Variants in MCC observed in about 807,000 individuals in gnomAD.
MCC encodes MCC regulator of Wnt signaling pathway.
MCC carries 90 observed loss-of-function variants against 116.2 expected under a neutral mutation model. The ratio of observed to expected loss-of-function variants is 0.77; its 90% confidence interval spans 0.65 to 0.92. The LOEUF (loss-of-function observed/expected upper bound fraction) is 0.92. Ranked by LOEUF, MCC falls within the 40% of genes least tolerant of loss-of-function variation. MCC has a pLI of 0.00. For synonymous variants in MCC, 578 were observed against 510.5 expected (o/e 1.13, Z -1.78); for missense variants, 1,516 against 1,312.2 (o/e 1.16, Z -2.40).
At chr5:113,322,112 A>T (rs1223114475) in intron 3 of MCC, among the ~76,000 whole-genome samples, 8 of 152,176 alleles carry the variant, frequency 5.3e-5, no homozygotes, top group Admixed American at 5.2e-4. Context: ...GATTACAGGC[A>T]TGAGCCACCG....
intron 3 of MCC, among the ~76,000 whole-genome samples, chr5:113,222,013 T>G (rs1205248807): frequency 6.6e-6 from 1 of 152,202 alleles, no homozygotes; most frequent in African/African-American, 2.4e-5. Flanking sequence ...CTTTTGGTCT[T>G]TGTTATGTAT....
At chr5:113,413,065 G>A (rs1168217344) in intron 1 of MCC, among the ~76,000 whole-genome samples, 1 of 152,176 alleles carries the variant, frequency 6.6e-6, no homozygotes, top group East Asian at 1.9e-4. Context: ...TCATGTGATG[G>A]ATTACGTTGA....
intron 3 of MCC, among the ~76,000 whole-genome samples, chr5:113,298,395 T>C (rs1475636600): frequency 6.6e-6 from 1 of 152,142 alleles, no homozygotes; most frequent in African/African-American, 2.4e-5. Flanking sequence ...CCTTCAAAGA[T>C]AGATTCCTAT....
rs1056218086 is a variant in MCC, at chr5:113,143,332, T to A, written c.770A>T (p.His257Leu). 21 of 1,613,762 alleles carry A rather than the reference T, an allele frequency of 1.3e-5. No homozygotes were observed. The highest frequency in any genetic ancestry group is 2.7e-5 in the African/African-American group (2 of 74,890). The change falls in exon 5 of 19, where the codon CAT (histidine) becomes CTT (leucine). Residue 257 changes from histidine to leucine, a missense_variant. His to Leu is a moderately conservative substitution (Grantham distance 99). Coordinates refer to ENST00000408903, the MANE Select transcript of MCC (RefSeq NM_001085377.2). The stretch of plus-strand genomic sequence containing the variant: ...TGTCGTTCGCTCCTGGACATCCTCA[T>A]GCTCTCTCATGAGGTGGGACTGCTC... The part of the protein sequence containing the change: ...QCEQSHLMRE[H>L]EDVQERTTLR...
intron 1 of MCC, among the ~76,000 whole-genome samples, chr5:113,462,602 A>G (rs1771773777): frequency 1.3e-5 from 2 of 152,212 alleles, no homozygotes; most frequent in South Asian, 2.1e-4. Context: ...AAACCCCAAC[A>G]GCAATTTGTT....
At chr5:113,485,373 G>A (rs1245234047) in intron 1 of MCC, among the ~76,000 whole-genome samples, 1 of 152,160 alleles carries the variant, frequency 6.6e-6, no homozygotes, top group East Asian at 1.9e-4. Flanking sequence ...TCTATTTCCT[G>A]CTCTTAGTAA....
intron 8 of MCC, among the ~76,000 whole-genome samples, chr5:113,087,577 G>A (rs778916768): frequency 1.5e-4 from 23 of 152,222 alleles, no homozygotes; most frequent in African/African-American, 5.3e-4. Context: ...GGGACTGGGG[G>A]AAACCTCCCG....
chr5:113,367,436 T>TA (rs1768724152), intron 2 of MCC, among the ~76,000 whole-genome samples: 1 of 148,658 alleles, frequency 6.7e-6, no homozygotes, highest in Non-Finnish European at 1.5e-5. Context: ...GAGCTTTTTT[T>TA]ACCTACTCTT....
chr5:113,294,288 C>T, intron 3 of MCC: 2 of 1,612,872 alleles, frequency 1.2e-6, no homozygotes, highest in South Asian at 1.1e-5. Flanking sequence ...GAAAAGCAAA[C>T]GCCCGAGAAA....
chr5:113,229,107 C>T (rs2150333336), intron 3 of MCC, among the ~76,000 whole-genome samples: 1 of 152,248 alleles, frequency 6.6e-6, no homozygotes, highest in East Asian at 1.9e-4. Flanking sequence ...TGGTTTTTTA[C>T]AGCCCTGGCA....
chr5:113,062,804 T>A (rs1315698678), intron 14 of MCC, among the ~76,000 whole-genome samples: 1 of 152,234 alleles, frequency 6.6e-6, no homozygotes, highest in African/African-American at 2.4e-5. Flanking sequence ...CTGGGACACC[T>A]GGGCCAGTAG....
intron 17 of MCC, among the ~76,000 whole-genome samples, chr5:113,029,974 C>T (rs1050350718): frequency 3.9e-5 from 6 of 152,156 alleles, no homozygotes; most frequent in Admixed American, 2.6e-4. Context: ...TGCTGAGCAC[C>T]GTGCCTGGGT....
rs1767985683 is a variant in MCC, at chr5:113,340,577, G to A, written c.569C>T (p.Thr190Ile). The change falls in exon 3 of 19, where the codon ACA becomes ATA. Residue 190 changes from threonine (T) to isoleucine (I), a missense_variant. By Grantham distance (89) the Thr-to-Ile change is moderately conservative. Transcript: ENST00000408903. Reference sequence around the variant, plus strand: ...AGAGTTGCCAATGTGCGGGGACTGTGTGAGCAGTTTGTGGAGAGCAGCCTG... The same window carrying A: ...AGAGTTGCCAATGTGCGGGGACTGTATGAGCAGTTTGTGGAGAGCAGCCTG... Reference protein sequence around the residue: ...HQQAALHKLLTQSPHIGNSVG... With the variant: ...HQQAALHKLLIQSPHIGNSVG... 6.2e-7 allele frequency: 1 copy of A among 1,614,210 alleles called. No homozygotes were observed. Among genetic ancestry groups the A allele is most frequent in the East Asian group, 2.2e-5 (1 of 44,884 alleles).
chr5:113,265,872 G>T (rs1189180628), intron 3 of MCC, among the ~76,000 whole-genome samples: 1 of 152,138 alleles, frequency 6.6e-6, no homozygotes, highest in Admixed American at 6.5e-5. Context: ...AAGTGTAACA[G>T]TGTAAATGGA....
chr5:113,084,232 C>A, intron 9 of MCC, 42 bp from the exon 10 acceptor site: 1 of 1,460,032 alleles, frequency 6.8e-7, no homozygotes, highest in Non-Finnish European at 9.6e-7. Context: ...CTACACACCA[C>A]TCCTCAGATA....
In MCC at chr5:113,023,655, AGAAT is replaced by A. The variant is rs1750317877; in HGVS notation, c.*3643_*3646del. The A allele has an allele frequency of 1.3e-5, 2 of 152,230 alleles. No homozygotes were observed. Among genetic ancestry groups the A allele is most frequent in the Admixed American group, 1.3e-4 (2 of 15,282 alleles). 9.4% of individuals were successfully genotyped at this position (152,230 alleles called of 1,614,324 possible). A position where few individuals can be genotyped will look rare whatever the true frequency, so the allele number is the denominator to read the frequency against. On this transcript the variant is annotated 3_prime_UTR_variant, in exon 19 of 19. Transcript: ENST00000408903. The stretch of plus-strand genomic sequence containing the variant: ...TAGGTAGAGCTGTAAATAGTTTAAT[AGAAT>A]GATTGGGACATACTCCCAATTAAGA...
At chr5:113,214,476 CTAAGAG>C in intron 3 of MCC, among the ~76,000 whole-genome samples, 1 of 152,310 alleles carries the variant, frequency 6.6e-6, no homozygotes, top group East Asian at 1.9e-4. Context: ...ACTTGAGAAT[CTAAGAG>C]ATAAATACTT....
intron 1 of MCC, among the ~76,000 whole-genome samples, chr5:113,467,342 A>G (rs1251414942): frequency 1.3e-5 from 2 of 149,842 alleles, no homozygotes; most frequent in East Asian, 3.9e-4. Flanking sequence ...TCTTTAATCC[A>G]TCCTGAATTA....
intron 17 of MCC, among the ~76,000 whole-genome samples, chr5:113,040,180 G>T (rs28622900): frequency 0.13 from 7,490 of 59,436 alleles, 618 homozygotes; most frequent in African/African-American, 0.33. Flanking sequence ...ATACAGTAAA[G>T]GCGGGGTGGC....
Sources: gnomAD v4.1 joint callset for allele counts (sites outside exome capture counted in the v4.1 genomes callset) on GRCh38, gnomAD v4.1.1 for gene constraint, MANE v1.5 for transcripts, NCBI Gene and HGNC (gene_info 2026-07-23, HGNC 2026-07-21) for gene names.